CNTN5: variants seen among roughly 807,000 people sequenced by gnomAD.
CNTN5 encodes the protein contactin 5.
CNTN5 carries 77 observed loss-of-function variants against 129.1 expected under a neutral mutation model. The ratio of observed to expected loss-of-function variants is 0.60; its 90% confidence interval spans 0.50 to 0.72. CNTN5 has a LOEUF of 0.72. Among genes scored for constraint, CNTN5 ranks in the 30% least tolerant of loss-of-function variants. The pLI is 0.00. For missense variants in CNTN5, 1,478 were observed against 1,328.8 expected (o/e 1.11, Z -1.75); for synonymous variants, 509 against 465.6 (o/e 1.09, Z -1.20).
intron 13 of CNTN5, among the ~76,000 whole-genome samples, chr11:100,081,056 T>C (rs1203124068): frequency 6.6e-6 from 1 of 152,078 alleles, no homozygotes; most frequent in Non-Finnish European, 1.5e-5. Flanking sequence ...TATGATGAGA[T>C]TAAGATACTG....
At chr11:100,158,344 A>C (rs1947326938) in intron 13 of CNTN5, among the ~76,000 whole-genome samples, 1 of 151,826 alleles carries the variant, frequency 6.6e-6, no homozygotes, top group African/African-American at 2.4e-5. Flanking sequence ...AATTAATAAT[A>C]ATGTATTGCA....
intron 2 of CNTN5, among the ~76,000 whole-genome samples, chr11:99,345,547 C>T (rs1285526833): frequency 6.6e-6 from 1 of 151,886 alleles, no homozygotes; most frequent in Non-Finnish European, 1.5e-5. Context: ...TCAAATTTTA[C>T]AAAAAAGGAA....
chr11:99,243,112 A>G (rs1282611342), intron 1 of CNTN5, among the ~76,000 whole-genome samples: 1 of 152,082 alleles, frequency 6.6e-6, no homozygotes, highest in Non-Finnish European at 1.5e-5. Flanking sequence ...GTGTATAAGC[A>G]TTCCTTATTT....
intron 13 of CNTN5, among the ~76,000 whole-genome samples, chr11:100,120,920 G>A (rs1591279469): frequency 6.6e-6 from 1 of 151,680 alleles, no homozygotes; most frequent in African/African-American, 2.4e-5. Context: ...CTATCATTCA[G>A]CATTTTTTTT....
At chr11:99,873,414 A>G (rs1187256488) in intron 6 of CNTN5, among the ~76,000 whole-genome samples, 1 of 152,158 alleles carries the variant, frequency 6.6e-6, no homozygotes, top group Non-Finnish European at 1.5e-5. Context: ...ACATGACTAC[A>G]CATTTCACAC....
At chr11:99,260,462 A>G (rs1429912435) in intron 1 of CNTN5, among the ~76,000 whole-genome samples, 1 of 151,860 alleles carries the variant, frequency 6.6e-6, no homozygotes, top group African/African-American at 2.4e-5. Flanking sequence ...AGTCAATATT[A>G]TGATAATTTT....
chr11:99,125,304 T>C (rs1040119634), intron 1 of CNTN5, among the ~76,000 whole-genome samples: 4 of 151,692 alleles, frequency 2.6e-5, no homozygotes, highest in Non-Finnish European at 5.9e-5. Context: ...TGGTTCAACA[T>C]TTGCCAATCA....
intron 1 of CNTN5, among the ~76,000 whole-genome samples, chr11:99,257,319 C>T (rs1276544264): frequency 3.3e-5 from 5 of 152,218 alleles, no homozygotes; most frequent in African/African-American, 9.6e-5. Context: ...CTGTCACAAG[C>T]TAAGAGCATT....
chr11:99,777,299 A>G (rs922193952), intron 3 of CNTN5, among the ~76,000 whole-genome samples: 4 of 151,868 alleles, frequency 2.6e-5, no homozygotes, highest in African/African-American at 7.2e-5. Flanking sequence ...ATTTTTGACC[A>G]TGATTACAAA....
intron 16 of CNTN5, among the ~76,000 whole-genome samples, chr11:100,234,584 T>C (rs1038287985): frequency 6.6e-5 from 10 of 151,466 alleles, no homozygotes; most frequent in South Asian, 6.3e-4. Context: ...TAAGTGGGAA[T>C]TGAACAATGA....
At chr11:99,050,996 T>G (rs929306553) in intron 1 of CNTN5, among the ~76,000 whole-genome samples, 1 of 151,924 alleles carries the variant, frequency 6.6e-6, no homozygotes. Flanking sequence ...TAAGCATACA[T>G]GTATATTACA....
intron 2 of CNTN5, among the ~76,000 whole-genome samples, chr11:99,379,275 A>G: frequency 6.6e-6 from 1 of 150,938 alleles, no homozygotes; most frequent in South Asian, 2.1e-4. Context: ...AATTAATTAT[A>G]CGAATAACTA....
intron 3 of CNTN5, among the ~76,000 whole-genome samples, chr11:99,570,961 G>A: frequency 6.6e-6 from 1 of 152,036 alleles, no homozygotes; most frequent in East Asian, 1.9e-4. Flanking sequence ...CCCTCAAAAG[G>A]AAACAGATAC....
intron 3 of CNTN5, among the ~76,000 whole-genome samples, chr11:99,575,042 C>A (rs17133851): frequency 2.0e-5 from 3 of 152,062 alleles, no homozygotes; most frequent in African/African-American, 7.2e-5. Flanking sequence ...ATTTCCTTCT[C>A]TGTAACAAAA....
At chr11:99,506,722 TTTAA>T (rs1270706457) in intron 2 of CNTN5, among the ~76,000 whole-genome samples, 7 of 152,216 alleles carry the variant, frequency 4.6e-5, no homozygotes, top group African/African-American at 1.7e-4. Flanking sequence ...TAAATACTGT[TTTAA>T]TTGTTATTGT....
intron 9 of CNTN5, among the ~76,000 whole-genome samples, chr11:100,043,312 A>G (rs901282012): frequency 5.3e-5 from 8 of 152,172 alleles, no homozygotes; most frequent in Admixed American, 1.3e-4. Flanking sequence ...AGCAGGCTCA[A>G]GAACACTATT....
At chr11:99,785,052 G>GCCTCCA (rs1945468125) in intron 3 of CNTN5, among the ~76,000 whole-genome samples, 1 of 150,992 alleles carries the variant, frequency 6.6e-6, no homozygotes, top group Non-Finnish European at 1.5e-5. Flanking sequence ...GCCTGCCTCC[G>GCCTCCA]CCTGCCTCCA....
At chr11:99,287,430 C>T (rs1012836436) in intron 1 of CNTN5, among the ~76,000 whole-genome samples, 1 of 152,008 alleles carries the variant, frequency 6.6e-6, no homozygotes, top group Non-Finnish European at 1.5e-5. Context: ...AAGACTGTCT[C>T]CTATTATTCA....
intron 2 of CNTN5, among the ~76,000 whole-genome samples, chr11:99,461,128 G>T (rs1253669118): frequency 1.3e-5 from 2 of 151,974 alleles, no homozygotes; most frequent in African/African-American, 4.8e-5. Flanking sequence ...TGGACATATT[G>T]TTGGCTTTAT....
Sources: gnomAD v4.1 joint callset for allele counts (sites outside exome capture counted in the v4.1 genomes callset) on GRCh38, gnomAD v4.1.1 for gene constraint, MANE v1.5 for transcripts, NCBI Gene and HGNC (gene_info 2026-07-23, HGNC 2026-07-21) for gene names.